PTPRM: variants seen among roughly 807,000 people sequenced by gnomAD.
PTPRM encodes the protein receptor-type tyrosine-protein phosphatase mu.
PTPRM carries 47 observed loss-of-function variants against 186.7 expected under a neutral mutation model. The ratio of observed to expected loss-of-function variants is 0.25; its 90% confidence interval spans 0.20 to 0.32. The LOEUF (loss-of-function observed/expected upper bound fraction) is 0.32, where lower values mean the gene tolerates loss of function less well. Among genes scored for constraint, PTPRM ranks in the 10% least tolerant of loss-of-function variants. The pLI is 1.00. For synonymous variants in PTPRM, 668 were observed against 674.9 expected (o/e 0.99, Z 0.16); for missense variants, 1,494 against 1,865.0 (o/e 0.80, Z 3.66).
At chr18:8,165,762 A>G (rs1379162759) in intron 14 of PTPRM, among the ~76,000 whole-genome samples, 1 of 152,190 alleles carries the variant, frequency 6.6e-6, no homozygotes, top group Non-Finnish European at 1.5e-5. Flanking sequence ...TTATCCATGG[A>G]CAGAATAGGA....
At chr18:8,249,197 T>G (rs532138470) in intron 17 of PTPRM, among the ~76,000 whole-genome samples, 17 of 152,302 alleles carry the variant, frequency 1.1e-4, no homozygotes, top group African/African-American at 4.1e-4. Context: ...CCAACATGAT[T>G]TTTCCCCCCT....
intron 1 of PTPRM, among the ~76,000 whole-genome samples, chr18:7,759,889 C>G (rs965441625): frequency 6.6e-6 from 1 of 152,186 alleles, no homozygotes; most frequent in East Asian, 1.9e-4. Flanking sequence ...GAGAGTTGTA[C>G]GGAAACTATA....
At chr18:8,238,673 T>G (rs796165645) in intron 14 of PTPRM, among the ~76,000 whole-genome samples, 30,934 of 138,028 alleles carry the variant, frequency 0.22, 4,479 homozygotes, top group African/African-American at 0.3. Context: ...TTTTTTTTTT[T>G]TTTTTTTTTT....
At chr18:8,225,080 A>G (rs1451641765) in intron 14 of PTPRM, among the ~76,000 whole-genome samples, 1 of 152,150 alleles carries the variant, frequency 6.6e-6, no homozygotes, top group African/African-American at 2.4e-5. Flanking sequence ...TTTATTAGGG[A>G]TTTCAAAATG....
chr18:8,123,688 A>C (rs2092252714), intron 13 of PTPRM, among the ~76,000 whole-genome samples: 1 of 152,158 alleles, frequency 6.6e-6, no homozygotes, highest in Non-Finnish European at 1.5e-5. Context: ...TTTGAGGGAC[A>C]GTGCCTTTCT....
intron 19 of PTPRM, among the ~76,000 whole-genome samples, chr18:8,288,125 C>G (rs553296170): frequency 1.3e-5 from 2 of 152,334 alleles, no homozygotes; most frequent in African/African-American, 2.4e-5. Flanking sequence ...TTTGGTCCAG[C>G]TTCTCCAGGA....
intron 13 of PTPRM, among the ~76,000 whole-genome samples, chr18:8,115,041 A>G (rs2091902030): frequency 6.6e-6 from 1 of 151,696 alleles, no homozygotes; most frequent in Non-Finnish European, 1.5e-5. Flanking sequence ...TTTTAAAATA[A>G]GAAGCTATAT....
At chr18:8,159,982 GAAT>G (rs2093198811) in intron 14 of PTPRM, among the ~76,000 whole-genome samples, 3 of 151,882 alleles carry the variant, frequency 2.0e-5, no homozygotes, top group South Asian at 2.1e-4. Flanking sequence ...GTTAAAGTTT[GAAT>G]AATAATTATT....
chr18:8,143,151 A>C (rs569115934), intron 13 of PTPRM, among the ~76,000 whole-genome samples: 2 of 152,194 alleles, frequency 1.3e-5, no homozygotes, highest in Non-Finnish European at 1.5e-5. Flanking sequence ...TTAAAAAACA[A>C]TTGCTGGTAA....
At chr18:8,212,434 CCAGTGTG>C (rs1411509284) in intron 14 of PTPRM, among the ~76,000 whole-genome samples, 4 of 151,136 alleles carry the variant, frequency 2.6e-5, no homozygotes, top group Non-Finnish European at 5.9e-5. Flanking sequence ...TTTGTCACTC[CCAGTGTG>C]TGTGTATACA....
intron 2 of PTPRM, among the ~76,000 whole-genome samples, chr18:7,794,762 C>T (rs1298678932): frequency 6.6e-6 from 1 of 152,132 alleles, no homozygotes; most frequent in Non-Finnish European, 1.5e-5. Flanking sequence ...ATATGTTAAA[C>T]ATTTAAAGTA....
At chr18:8,304,821 A>ATTTTTTTTTTT (rs34216473) in intron 20 of PTPRM, among the ~76,000 whole-genome samples, 1 of 131,294 alleles carries the variant, frequency 7.6e-6, no homozygotes, top group Non-Finnish European at 1.7e-5. Context: ...TGTTGACTTT[A>ATTTTTTTTTTT]TTTTTTTTTT....
In PTPRM at chr18:7,972,815, C is replaced by T. The variant is rs562244375; in HGVS notation, c.1132+17401C>T. ...AACAGATTCCCTCCTCTTTCAGTCCCTTTGCCAGAAATCATCATCGTTAAT... is the reference window on the plus strand; with the variant it reads ...AACAGATTCCCTCCTCTTTCAGTCCTTTTGCCAGAAATCATCATCGTTAAT... On this transcript the variant is annotated intron_variant, in intron 7 of 32. Coordinates refer to ENST00000580170, the MANE Select transcript of PTPRM (RefSeq NM_001105244.2). 3.9e-5 allele frequency among the ~76,000 whole-genome samples: 6 copies of T among 152,122 alleles called. No individual in the cohort carries two copies. In the South Asian group the frequency reaches 1.2e-3, roughly 32 times the overall value.
intron 13 of PTPRM, among the ~76,000 whole-genome samples, chr18:8,120,057 G>A (rs901676619): frequency 6.6e-6 from 1 of 152,062 alleles, no homozygotes; most frequent in East Asian, 1.9e-4. Flanking sequence ...AAATATTTGA[G>A]GCCTTGTGGG....
chr18:8,017,630 A>G (rs1407789138), intron 7 of PTPRM, among the ~76,000 whole-genome samples: 2 of 151,020 alleles, frequency 1.3e-5, no homozygotes, highest in Admixed American at 6.6e-5. Flanking sequence ...AGTGCTTTAT[A>G]TAAACACACT....
rs779725898 is a variant in PTPRM at position 8,088,903 on chromosome 18, T to A, written c.1856+52T>A. The A allele has an allele frequency of 3.0e-6, 4 of 1,347,732 alleles. No homozygotes were observed. In the South Asian group the frequency reaches 3.6e-5, roughly 12 times the overall value. 83.5% of individuals were successfully genotyped at this position (1,347,732 alleles called of 1,614,324 possible). On this transcript the variant is annotated intron_variant, in intron 11 of 32. Coordinates refer to ENST00000580170, the MANE Select transcript of PTPRM (RefSeq NM_001105244.2). ...CTAGATAGAAGAAAACTAAATCAAGTTGATTAATTCCTCCAATGTGTTTTC... is the reference window on the plus strand; with the variant it reads ...CTAGATAGAAGAAAACTAAATCAAGATGATTAATTCCTCCAATGTGTTTTC...
intron 2 of PTPRM, among the ~76,000 whole-genome samples, chr18:7,846,709 A>G (rs925537497): frequency 2.8e-4 from 42 of 152,180 alleles, no homozygotes; most frequent in African/African-American, 1.0e-3. Flanking sequence ...GCACTCACTA[A>G]ATGCTTAGTG....
chr18:7,859,984 G>T (rs528106117), intron 2 of PTPRM, among the ~76,000 whole-genome samples: 1 of 152,254 alleles, frequency 6.6e-6, no homozygotes, highest in Non-Finnish European at 1.5e-5. Context: ...TAGTAGATTG[G>T]AGGTTTATAT....
At chr18:7,979,824 C>A (rs1229783325) in intron 7 of PTPRM, among the ~76,000 whole-genome samples, 1 of 152,182 alleles carries the variant, frequency 6.6e-6, no homozygotes, top group Non-Finnish European at 1.5e-5. Flanking sequence ...ACAGGCTGCA[C>A]TGGCATTTCC....
Sources: allele counts gnomAD v4.1 joint callset (sites outside exome capture counted in the v4.1 genomes callset), GRCh38; gene constraint gnomAD v4.1.1; transcripts MANE v1.5; gene names NCBI Gene and HGNC (gene_info 2026-07-23, HGNC 2026-07-21).